The following CSMD1 variants were observed in gnomAD, a reference collection of about 807,000 sequenced individuals.
CSMD1 encodes CUB and Sushi multiple domains 1, also known as CUB and sushi domain-containing protein 1.
CSMD1 carries 213 observed loss-of-function variants against 417.5 expected under a neutral mutation model. The observed-to-expected ratio is 0.51, with a 90% CI of 0.46 to 0.57. The LOEUF is 0.57. Among genes scored for constraint, CSMD1 ranks in the 20% least tolerant of loss-of-function variants. The probability of loss-of-function intolerance (pLI) is 0.00; values close to 1 mark genes in which losing one functional copy is unlikely to be tolerated. For missense variants in CSMD1, 6,923 were observed against 4,529.7 expected, an observed-to-expected ratio of 1.53 and a Z score of -15.17; for synonymous variants, 2,862 against 1,736.8, an observed-to-expected ratio of 1.65 and a Z score of -16.11.
chr8:3,448,401 A>AGAGAGGGAGGGAGGG (rs1815463640), intron 12 of CSMD1, among the ~76,000 whole-genome samples: 1 of 22,862 alleles, frequency 4.4e-5, no homozygotes, highest in African/African-American at 1.8e-4. Flanking sequence ...GAGGAAGGGA[A>AGAGAGGGAGGGAGGG]GGAAGGAAGG....
At chr8:4,024,956 C>T (rs571201393) in intron 4 of CSMD1, among the ~76,000 whole-genome samples, 4 of 152,328 alleles carry the variant, frequency 2.6e-5, no homozygotes, top group Admixed American at 2.0e-4. Flanking sequence ...GAATCTTTGT[C>T]TGAAGTACGA....
intron 3 of CSMD1, among the ~76,000 whole-genome samples, chr8:4,154,114 G>C (rs1585436183): frequency 6.6e-6 from 1 of 152,136 alleles, no homozygotes; most frequent in Admixed American, 6.5e-5. Flanking sequence ...CAGGAGTCTG[G>C]CTTCACAATC....
At chr8:3,979,862 A>C (rs188505072) in intron 5 of CSMD1, among the ~76,000 whole-genome samples, 1 of 152,212 alleles carries the variant, frequency 6.6e-6, no homozygotes, top group African/African-American at 2.4e-5. Context: ...AGAGCTATTT[A>C]TACTGTAGAC....
intron 3 of CSMD1, among the ~76,000 whole-genome samples, chr8:4,370,727 T>C (rs1802346557): frequency 6.6e-6 from 1 of 152,212 alleles, no homozygotes; most frequent in Non-Finnish European, 1.5e-5. Flanking sequence ...GTTATACAGT[T>C]AATGTCACCA....
intron 5 of CSMD1, among the ~76,000 whole-genome samples, chr8:3,805,448 T>G (rs2720880): frequency 0.1 from 15,555 of 152,144 alleles, 1,205 homozygotes; most frequent in East Asian, 0.32. Flanking sequence ...GGAGCAGAAA[T>G]GATCTACTCC....
intron 3 of CSMD1, among the ~76,000 whole-genome samples, chr8:4,175,966 G>C (rs900081291): frequency 6.6e-6 from 1 of 152,118 alleles, no homozygotes; most frequent in Admixed American, 6.5e-5. Flanking sequence ...GGGCAGCTGG[G>C]CTTCTCTCAT....
intron 1 of CSMD1, among the ~76,000 whole-genome samples, chr8:4,931,760 T>C (rs2117193410): frequency 6.6e-6 from 1 of 152,356 alleles, no homozygotes; most frequent in South Asian, 2.1e-4. Flanking sequence ...TTGGAGAGAA[T>C]GGCTACCACA....
intron 6 of CSMD1, among the ~76,000 whole-genome samples, chr8:3,738,659 A>C (rs984969077): frequency 2.0e-5 from 3 of 152,188 alleles, no homozygotes; most frequent in African/African-American, 7.2e-5. Context: ...GACAGGGCTT[A>C]GATAACAGAT....
chr8:4,675,632 A>T (rs1216278077), intron 1 of CSMD1, among the ~76,000 whole-genome samples: 1 of 152,224 alleles, frequency 6.6e-6, no homozygotes, highest in Non-Finnish European at 1.5e-5. Flanking sequence ...AACATAAAAA[A>T]AGTAAGCAGG....
chr8:4,515,738 G>C (rs1301442654), intron 2 of CSMD1, among the ~76,000 whole-genome samples: 1 of 152,164 alleles, frequency 6.6e-6, no homozygotes, highest in Non-Finnish European at 1.5e-5. Flanking sequence ...GTAGAGCCCA[G>C]GGTAGTCTGG....
At chr8:4,395,646 G>A (rs1219962200) in intron 3 of CSMD1, among the ~76,000 whole-genome samples, 2 of 151,536 alleles carry the variant, frequency 1.3e-5, no homozygotes, top group African/African-American at 4.9e-5. Flanking sequence ...CTATCTAAAT[G>A]TTTTGATAAG....
chr8:3,722,332 T>C (rs1802229761), intron 6 of CSMD1, among the ~76,000 whole-genome samples: 2 of 152,110 alleles, frequency 1.3e-5, no homozygotes, highest in Non-Finnish European at 2.9e-5. Flanking sequence ...ATAGATATAA[T>C]AGCTTGAGCT....
intron 5 of CSMD1, among the ~76,000 whole-genome samples, chr8:3,973,911 G>C (rs146766985): frequency 1.3e-4 from 20 of 152,252 alleles, no homozygotes; most frequent in African/African-American, 3.6e-4. Context: ...GAAATGTTTT[G>C]ATACAGGAAT....
chr8:4,284,682 C>T (rs1343480262), intron 3 of CSMD1, among the ~76,000 whole-genome samples: 1 of 152,088 alleles, frequency 6.6e-6, no homozygotes. Context: ...ACACTCTTGA[C>T]AGATATAAAA....
chr8:3,232,439 C>T (rs1172352096), intron 26 of CSMD1, among the ~76,000 whole-genome samples: 1 of 152,156 alleles, frequency 6.6e-6, no homozygotes. Context: ...ATTTTTATTG[C>T]TGTATAGTTT....
intron 10 of CSMD1, among the ~76,000 whole-genome samples, chr8:3,500,950 G>T (rs975140884): frequency 6.6e-6 from 1 of 152,096 alleles, no homozygotes; most frequent in Non-Finnish European, 1.5e-5. Flanking sequence ...AAGAGAATAA[G>T]AATGATTCAA....
chr8:4,357,192 G>A (rs1801478451), intron 3 of CSMD1, among the ~76,000 whole-genome samples: 1 of 152,156 alleles, frequency 6.6e-6, no homozygotes, highest in South Asian at 2.1e-4. Context: ...CATGTAGTGT[G>A]TTCTTAAGTA....
intron 3 of CSMD1, among the ~76,000 whole-genome samples, chr8:4,065,891 G>A (rs574339095): frequency 1.3e-5 from 2 of 152,166 alleles, no homozygotes; most frequent in African/African-American, 4.8e-5. Context: ...AAGAAAGACT[G>A]CTCAAAGAAG....
At chr8:4,636,955 C>T (rs976361887) in intron 2 of CSMD1, among the ~76,000 whole-genome samples, 6 of 152,070 alleles carry the variant, frequency 3.9e-5, no homozygotes, top group African/African-American at 1.4e-4. Flanking sequence ...CTATAAAACA[C>T]ACCAATCAGC....
Sources: gnomAD v4.1 joint callset for allele counts (sites outside exome capture counted in the v4.1 genomes callset) on GRCh38, gnomAD v4.1.1 for gene constraint, MANE v1.5 for transcripts, NCBI Gene and HGNC (gene_info 2026-07-23, HGNC 2026-07-21) for gene names.